LINGO2: variants seen among roughly 807,000 people sequenced by gnomAD.
LINGO2 encodes leucine rich repeat and Ig domain containing 2.
A neutral mutation model predicts 30.6 loss-of-function variants in LINGO2; 14 were observed. The ratio of observed to expected loss-of-function variants is 0.46; its 90% CI spans 0.30 to 0.72. The LOEUF (loss-of-function observed/expected upper bound fraction) is 0.72, where lower values mean the gene tolerates loss of function less well. LINGO2 is among the 30% of genes least tolerant of loss of function. The pLI, the probability that LINGO2 is intolerant of heterozygous loss-of-function variation, is 0.07. For missense variants in LINGO2, 729 were observed against 751.7 expected (o/e 0.97, Z 0.35); for synonymous variants, 317 against 288.5 (o/e 1.10, Z -1.00).
intron 4 of LINGO2, among the ~76,000 whole-genome samples, chr9:28,045,816 G>A (rs12115635): frequency 0.11 from 17,241 of 152,180 alleles, 1,193 homozygotes; most frequent in Middle Eastern, 0.18. Context: ...ATATGGGTAA[G>A]CGGCAAGGGA....
chr9:28,243,709 AAAG>A (rs752966902), intron 4 of LINGO2, among the ~76,000 whole-genome samples: 28 of 152,144 alleles, frequency 1.8e-4, no homozygotes, highest in East Asian at 9.7e-4. Context: ...AAAAAGATTA[AAAG>A]AAGAAGAAGA....
intron 1 of LINGO2, among the ~76,000 whole-genome samples, chr9:28,571,609 G>A (rs1012439765): frequency 5.3e-5 from 8 of 152,070 alleles, no homozygotes; most frequent in African/African-American, 1.9e-4. Context: ...GCAGTTAAGT[G>A]ATGGATTGAA....
the LINGO2 span, among the ~76,000 whole-genome samples, chr9:29,207,210 G>A: frequency 6.6e-6 from 1 of 151,874 alleles, no homozygotes; most frequent in South Asian, 2.1e-4. Context: ...GTATATAAAG[G>A]TCAAGTCAAA....
At chr9:28,371,986 A>AAT (rs569193640) in intron 3 of LINGO2, among the ~76,000 whole-genome samples, 45 of 152,332 alleles carry the variant, frequency 3.0e-4, no homozygotes, top group Admixed American at 1.3e-3. Context: ...TCAGCCAAAC[A>AAT]ATGTACGAAG....
chr9:28,691,471 T>C, the LINGO2 span, among the ~76,000 whole-genome samples: 1 of 152,178 alleles, frequency 6.6e-6, no homozygotes, highest in Non-Finnish European at 1.5e-5. Context: ...AATTGACTTT[T>C]TTCCTCCTTG....
intron 5 of LINGO2, among the ~76,000 whole-genome samples, chr9:27,977,212 T>TTCACAA (rs1255946937): frequency 2.0e-5 from 3 of 151,770 alleles, no homozygotes; most frequent in Non-Finnish European, 4.4e-5. Context: ...AGAAAAGATA[T>TTCACAA]TCACAATCAC....
At chr9:28,997,493 G>T in the LINGO2 span, among the ~76,000 whole-genome samples, 1 of 151,980 alleles carries the variant, frequency 6.6e-6, no homozygotes, top group Non-Finnish European at 1.5e-5. Flanking sequence ...GATATATTCT[G>T]GGTGCCCCAG....
the LINGO2 span, among the ~76,000 whole-genome samples, chr9:29,090,923 T>C: frequency 6.5e-3 from 994 of 152,168 alleles, 15 homozygotes; most frequent in African/African-American, 0.023. Flanking sequence ...AATTATTATC[T>C]TGAGATTATC....
At chr9:28,911,685 C>T in the LINGO2 span, among the ~76,000 whole-genome samples, 1 of 151,986 alleles carries the variant, frequency 6.6e-6, no homozygotes, top group Non-Finnish European at 1.5e-5. Context: ...GAATATTCAA[C>T]TCCACAGAAT....
chr9:28,128,063 C>A (rs1242775738), intron 4 of LINGO2, among the ~76,000 whole-genome samples: 3 of 152,158 alleles, frequency 2.0e-5, no homozygotes, highest in South Asian at 2.1e-4. Flanking sequence ...AGTTAGGTAC[C>A]TGTTCTGGAA....
intron 4 of LINGO2, among the ~76,000 whole-genome samples, chr9:28,124,598 C>A (rs1827188277): frequency 6.6e-6 from 1 of 152,032 alleles, no homozygotes; most frequent in Admixed American, 6.6e-5. Flanking sequence ...TTTTTATTTA[C>A]CTCTGAGTAA....
the LINGO2 span, among the ~76,000 whole-genome samples, chr9:29,193,428 C>A: frequency 1.3e-5 from 2 of 152,160 alleles, no homozygotes; most frequent in African/African-American, 4.8e-5. Flanking sequence ...TCATAATGAT[C>A]CTCCTGGTGT....
At chr9:28,800,379 CAG>C in the LINGO2 span, among the ~76,000 whole-genome samples, 2 of 151,948 alleles carry the variant, frequency 1.3e-5, no homozygotes, top group Non-Finnish European at 1.5e-5. Flanking sequence ...ATTTTTTCTC[CAG>C]AGAGTCATAT....
chr9:29,034,845 C>A, the LINGO2 span, among the ~76,000 whole-genome samples: 1 of 152,248 alleles, frequency 6.6e-6, no homozygotes. Context: ...GATTTACTGA[C>A]AATGCCATAA....
At chr9:28,959,612 T>TCACACA in the LINGO2 span, among the ~76,000 whole-genome samples, 179 of 132,212 alleles carry the variant, frequency 1.4e-3, 1 homozygote, top group East Asian at 0.012. Flanking sequence ...TCTCTCTCCC[T>TCACACA]CACACACACA....
intron 4 of LINGO2, among the ~76,000 whole-genome samples, chr9:28,275,681 A>G (rs1053461125): frequency 6.6e-6 from 1 of 152,210 alleles, no homozygotes; most frequent in African/African-American, 2.4e-5. Flanking sequence ...GCACTATAAA[A>G]AACAAAGTTG....
At chr9:28,713,841 A>G in the LINGO2 span, among the ~76,000 whole-genome samples, 6 of 152,080 alleles carry the variant, frequency 3.9e-5, no homozygotes, top group Non-Finnish European at 5.9e-5. Context: ...CTATGCTGTG[A>G]CAACTAAAAT....
chr9:28,660,109 A>G (rs985183382), intron 1 of LINGO2, among the ~76,000 whole-genome samples: 5 of 152,162 alleles, frequency 3.3e-5, no homozygotes, highest in Non-Finnish European at 7.4e-5. Context: ...AAAATATATA[A>G]AAATTGCATG....
the LINGO2 span, among the ~76,000 whole-genome samples, chr9:28,857,534 C>A: frequency 6.6e-6 from 1 of 152,026 alleles, no homozygotes; most frequent in African/African-American, 2.4e-5. Context: ...AGAGCCCATG[C>A]TCATAACTAC....
Sources: allele counts gnomAD v4.1 joint callset (sites outside exome capture counted in the v4.1 genomes callset), GRCh38; gene constraint gnomAD v4.1.1; transcripts MANE v1.5; gene names NCBI Gene and HGNC (gene_info 2026-07-23, HGNC 2026-07-21).